The following STK32A variants were observed in gnomAD, a reference collection of about 807,000 sequenced individuals.
The protein encoded by STK32A is serine/threonine-protein kinase 32A.
STK32A carries 41 observed loss-of-function variants against 53.2 expected under a neutral mutation model. The observed-to-expected ratio is 0.77, with a 90% confidence interval of 0.60 to 1.00. STK32A has a LOEUF of 1.00. Among genes scored for constraint, STK32A ranks in the 50% least tolerant of loss-of-function variants. The probability of loss-of-function intolerance (pLI) is 0.00; values close to 1 mark genes in which losing one functional copy is unlikely to be tolerated. For synonymous variants in STK32A, 166 were observed against 162.8 expected (o/e 1.02, Z -0.15); for missense variants, 458 against 485.8 (o/e 0.94, Z 0.54).
intron 7 of STK32A, among the ~76,000 whole-genome samples, chr5:147,359,178 T>A (rs1756387539): frequency 1.3e-5 from 2 of 152,174 alleles, no homozygotes; most frequent in African/African-American, 2.4e-5. Flanking sequence ...GCAGGGAATC[T>A]TCTGGAAGGG....
At chr5:147,362,427 A>T (rs556686979) in intron 8 of STK32A, among the ~76,000 whole-genome samples, 3 of 152,272 alleles carry the variant, frequency 2.0e-5, no homozygotes, top group Admixed American at 6.5e-5. Flanking sequence ...TTGTCTTCTT[A>T]TAAGTCTACT....
chr5:147,266,279 G>T (rs1754804668), intron 2 of STK32A, among the ~76,000 whole-genome samples: 1 of 152,204 alleles, frequency 6.6e-6, no homozygotes, highest in South Asian at 2.1e-4. Flanking sequence ...AGCTCAAAGA[G>T]TGAGTAAGTC....
At chr5:147,398,282 C>T in the STK32A span, among the ~76,000 whole-genome samples, 1 of 152,196 alleles carries the variant, frequency 6.6e-6, no homozygotes, top group Admixed American at 6.5e-5. Context: ...CTCCCTACCT[C>T]CTTCATTTAC....
intron 5 of STK32A, among the ~76,000 whole-genome samples, chr5:147,331,285 A>T (rs1056204149): frequency 6.6e-6 from 1 of 152,204 alleles, no homozygotes; most frequent in African/African-American, 2.4e-5. Flanking sequence ...TTACACCAAG[A>T]ACTGCGTACT....
chr5:147,401,983 C>A, the STK32A span: 1 of 295,836 alleles, frequency 3.4e-6, no homozygotes, highest in Non-Finnish European at 6.2e-6. Flanking sequence ...ATAAAATATA[C>A]ATATTGATTT....
At chr5:147,296,109 G>T (rs1752854768) in intron 4 of STK32A, among the ~76,000 whole-genome samples, 1 of 152,164 alleles carries the variant, frequency 6.6e-6, no homozygotes, top group South Asian at 2.1e-4. Context: ...TGCCAGCAAG[G>T]TATATTTTGG....
chr5:147,289,020 C>T (rs865858170), intron 4 of STK32A, among the ~76,000 whole-genome samples: 1 of 152,156 alleles, frequency 6.6e-6, no homozygotes, highest in African/African-American at 2.4e-5. Flanking sequence ...TCTGAACTTG[C>T]CCATCTCCTA....
At chr5:147,335,830 T>TGC (rs932866974) in intron 5 of STK32A, among the ~76,000 whole-genome samples, 2 of 152,238 alleles carry the variant, frequency 1.3e-5, no homozygotes, top group Non-Finnish European at 2.9e-5. Flanking sequence ...TGCGCGTGTG[T>TGC]GCGCGCATGT....
intron 9 of STK32A, 108 bp downstream of exon 9, chr5:147,370,878 A>C: frequency 3.2e-6 from 2 of 626,702 alleles, no homozygotes; most frequent in Non-Finnish European, 5.6e-6. Flanking sequence ...GATAGTATAC[A>C]TTTGTAGAGT....
chr5:147,328,513 G>A (rs1442363496), intron 5 of STK32A, among the ~76,000 whole-genome samples: 1 of 152,132 alleles, frequency 6.6e-6, no homozygotes, highest in Non-Finnish European at 1.5e-5. Flanking sequence ...AGTTTGAATT[G>A]TGCAATTAGA....
At chr5:147,314,225 C>T (rs1753846027) in intron 4 of STK32A, among the ~76,000 whole-genome samples, 1 of 152,092 alleles carries the variant, frequency 6.6e-6, no homozygotes, top group Admixed American at 6.5e-5. Flanking sequence ...GGGCCAGGCG[C>T]TGTGGCTCAT....
intron 4 of STK32A, among the ~76,000 whole-genome samples, chr5:147,280,519 T>C (rs1752013579): frequency 6.6e-6 from 1 of 151,814 alleles, no homozygotes. Context: ...CTGCCAGCTT[T>C]TCCCCACTTC....
intron 7 of STK32A, among the ~76,000 whole-genome samples, chr5:147,355,757 T>C (rs1178803492): frequency 1.4e-5 from 2 of 144,812 alleles, no homozygotes; most frequent in African/African-American, 2.6e-5. Context: ...TATGTATGTG[T>C]ATATATGTAT....
chr5:147,278,108 CT>C lies in STK32A; in HGVS notation c.53-10del, dbSNP rs1366136700. The stretch of plus-strand genomic sequence containing the variant: ...ATTGATAATTACTCATGATATTCTT[CT>C]TTTTTGTTTTACAGTCAACTTTGAC... On this transcript the variant is annotated splice_polypyrimidine_tract_variant and intron_variant, in intron 2 of 12. Transcript: ENST00000397936. 6.4e-7 allele frequency: 1 copy of C among 1,574,150 alleles called. No homozygotes were observed.
downstream of STK32A, chr5:147,391,050 A>T (rs116934475): frequency 6.5e-6 from 1 of 152,786 alleles, no homozygotes; most frequent in East Asian, 1.9e-4. Context: ...ACTTACAATG[A>T]ATGCTGGCTG....
At chr5:147,321,141 G>C (rs1754294489) in intron 4 of STK32A, among the ~76,000 whole-genome samples, 1 of 152,096 alleles carries the variant, frequency 6.6e-6, no homozygotes, top group African/African-American at 2.4e-5. Context: ...AAATGCACTG[G>C]GACCAGACTT....
chr5:147,317,143 CAAAA>C (rs58355621), intron 4 of STK32A, among the ~76,000 whole-genome samples: 4 of 130,894 alleles, frequency 3.1e-5, no homozygotes, highest in Admixed American at 7.8e-5. Context: ...ATAGTTTTGC[CAAAA>C]AAAAAAAAAA....
At chr5:147,379,098 T>C (rs1757352243) in intron 11 of STK32A, among the ~76,000 whole-genome samples, 1 of 151,878 alleles carries the variant, frequency 6.6e-6, no homozygotes, top group South Asian at 2.1e-4. Flanking sequence ...TCTGATTTCC[T>C]TGAGCAGTGG....
At chr5:147,397,155 CATGT>C in the STK32A span, among the ~76,000 whole-genome samples, 67,115 of 148,896 alleles carry the variant, frequency 0.45, 15,854 homozygotes, top group African/African-American at 0.57. Context: ...CATTTGCACA[CATGT>C]ATGTATCTAT....
Sources: gnomAD v4.1 joint callset for allele counts (sites outside exome capture counted in the v4.1 genomes callset) on GRCh38, gnomAD v4.1.1 for gene constraint, MANE v1.5 for transcripts, NCBI Gene and HGNC (gene_info 2026-07-23, HGNC 2026-07-21) for gene names.